HMCN1: variants seen among roughly 807,000 people sequenced by gnomAD.
HMCN1 encodes the protein hemicentin-1.
Under a neutral mutation model 625.9 loss-of-function variants are expected in HMCN1, and 321 were observed. The observed-to-expected ratio is 0.51, with a 90% CI of 0.47 to 0.56. HMCN1 has a LOEUF of 0.56. HMCN1 is among the 20% of genes least tolerant of loss of function. The pLI is 0.00. For synonymous variants in HMCN1, 2,425 were observed against 2,417.6 expected, an observed-to-expected ratio of 1.00 and a Z score of -0.09; for missense variants, 6,588 against 6,887.3, an observed-to-expected ratio of 0.96 and a Z score of 1.54.
chr1:185,943,010 T>C (rs569405816), intron 11 of HMCN1, among the ~76,000 whole-genome samples: 42 of 152,060 alleles, frequency 2.8e-4, no homozygotes, highest in Middle Eastern at 3.4e-3. Flanking sequence ...ATTTCTGACA[T>C]AGGATGTTTG....
chr1:185,866,768 T>A (rs1249280818), intron 4 of HMCN1, among the ~76,000 whole-genome samples: 5 of 152,184 alleles, frequency 3.3e-5, no homozygotes, highest in Non-Finnish European at 7.3e-5. Flanking sequence ...GACCTTTTTT[T>A]AAACCTGTTT....
At chr1:186,137,711 C>T (rs1301673980) in intron 88 of HMCN1, 43 bp downstream of exon 88, 2 of 1,613,634 alleles carry the variant, frequency 1.2e-6, no homozygotes, top group Non-Finnish European at 1.7e-6. Context: ...TTTAATAGAC[C>T]TTCATTTCTG....
At chr1:185,805,965 A>G (rs1023066126) in intron 1 of HMCN1, among the ~76,000 whole-genome samples, 1 of 152,094 alleles carries the variant, frequency 6.6e-6, no homozygotes, top group Non-Finnish European at 1.5e-5. Context: ...AGATCCTATC[A>G]TTTTTATTCC....
At chr1:186,178,816 C>T (rs199564403) in intron 104 of HMCN1, 50 bp downstream of exon 104, 2 of 1,204,898 alleles carry the variant, frequency 1.7e-6, no homozygotes, top group Admixed American at 3.4e-5. Context: ...TCTTACTGAT[C>T]AAAGTATGTG....
chr1:185,977,942 T>C lies in HMCN1; in HGVS notation c.2527T>C (p.Ser843Pro). Reference protein sequence around the residue: ...PIFSRPFSVSSISQLRTGALF... With the variant: ...PIFSRPFSVSPISQLRTGALF... ...TTTCTCAAGACCTTTTTCAGTTAGT[T>C]CCATCAGCCAACTAAGAACAGGAGC... Residue 843 changes from serine (S) to proline (P), a missense_variant, in exon 16 of 107, where the codon TCC (serine) becomes CCC (proline). Around this residue, in one of 3 missense-constraint regions of HMCN1, gnomAD observed 4,628 missense variants for 4,853.1 expected, o/e 0.95. Coordinates refer to ENST00000271588, the MANE Select transcript of HMCN1 (RefSeq NM_031935.3). 6.2e-7 allele frequency: 1 copy of C among 1,613,312 alleles called. No homozygotes were observed. The highest frequency in any genetic ancestry group is 1.1e-5 in the South Asian group (1 of 91,070).
At chr1:186,055,371 T>C in intron 44 of HMCN1, 22 bp from the exon 45 acceptor site, 1 of 1,610,956 alleles carries the variant, frequency 6.2e-7, no homozygotes, top group Non-Finnish European at 8.5e-7. Context: ...TTTGTTTCTT[T>C]TTATCTTCCT....
At chr1:186,084,588 T>C (rs1184739823) in intron 57 of HMCN1, among the ~76,000 whole-genome samples, 1 of 152,120 alleles carries the variant, frequency 6.6e-6, no homozygotes, top group Non-Finnish European at 1.5e-5. Flanking sequence ...TCCTTCAGTC[T>C]GTTGGCATCT....
chr1:186,070,375 A>G (rs555553926), intron 51 of HMCN1, among the ~76,000 whole-genome samples: 133 of 152,302 alleles, frequency 8.7e-4, no homozygotes, highest in South Asian at 6.6e-3. Context: ...TGTTCTGTAA[A>G]GGACATTAGC....
chr1:186,032,746 G>GAAAAAAAAAAAAA (rs74542819), intron 36 of HMCN1, among the ~76,000 whole-genome samples: 1 of 25,406 alleles, frequency 3.9e-5, no homozygotes, highest in Non-Finnish European at 7.1e-5. Flanking sequence ...TAAGTAAAAA[G>GAAAAAAAAAAAAA]AAAAAAAAAA....
At chr1:186,163,773 G>GTC (rs1651684279) in intron 97 of HMCN1, among the ~76,000 whole-genome samples, 1 of 152,152 alleles carries the variant, frequency 6.6e-6, no homozygotes, top group South Asian at 2.1e-4. Flanking sequence ...TTGCAAGACT[G>GTC]TCTCATACAT....
At chr1:186,037,842 G>T in intron 36 of HMCN1, 92 bp from the exon 37 acceptor site, 1 of 789,386 alleles carries the variant, frequency 1.3e-6, no homozygotes. Context: ...AAAAAGAAGA[G>T]AGGAAGAAAA....
At chr1:186,002,635 A>G (rs1653274208) in intron 28 of HMCN1, among the ~76,000 whole-genome samples, 1 of 152,072 alleles carries the variant, frequency 6.6e-6, no homozygotes, top group Non-Finnish European at 1.5e-5. Flanking sequence ...ACTGAATTCC[A>G]TCTGTGTGCT....
intron 4 of HMCN1, among the ~76,000 whole-genome samples, chr1:185,902,046 T>C (rs1279443573): frequency 6.6e-6 from 1 of 151,672 alleles, no homozygotes; most frequent in East Asian, 1.9e-4. Flanking sequence ...CATTAAAAAT[T>C]AAAAATTATT....
intron 40 of HMCN1, among the ~76,000 whole-genome samples, chr1:186,043,778 G>A (rs1257293984): frequency 1.3e-5 from 2 of 152,072 alleles, no homozygotes; most frequent in East Asian, 3.9e-4. Context: ...TTAGAAAGTG[G>A]CACTAATTAG....
rs1372574694 is a variant in HMCN1 at position 186,048,798 on chromosome 1, T to C, written c.6536T>C (p.Val2179Ala). Residue 2179 changes from valine (V) to alanine (A), a missense_variant, in exon 42 of 107, where the codon GTT becomes GCT. Coordinates refer to ENST00000271588, the MANE Select transcript of HMCN1 (RefSeq NM_031935.3). ...TGRYTCEATN[V>A]AGKTEKNYNV... ...CGTTACACTTGTGAAGCAACAAATG[T>C]TGCTGGAAAAACTGAAAAAAACTAC... 2 of 1,611,956 alleles carry C rather than the reference T, an allele frequency of 1.2e-6. No homozygotes were observed. Among genetic ancestry groups the C allele is most frequent in the Non-Finnish European group, 1.7e-6 (2 of 1,178,606 alleles).
Position 186,062,619 on chromosome 1 carries a change from G to C in HMCN1, c.7513+19G>C. 1 of 1,535,856 alleles carries C rather than the reference G, an allele frequency of 6.5e-7. No homozygotes were observed. The highest frequency in any genetic ancestry group is 9.0e-7 in the Non-Finnish European group (1 of 1,109,108). Reference sequence around the variant, plus strand: ...GTGACAGGTATGGGCTCAGCTCTCAGACTTTTGGTGCTCCCCCCACTCACT... The same window carrying C: ...GTGACAGGTATGGGCTCAGCTCTCACACTTTTGGTGCTCCCCCCACTCACT... On this transcript the variant is annotated intron_variant, in intron 48 of 106. Transcript: ENST00000271588.
intron 2 of HMCN1, among the ~76,000 whole-genome samples, chr1:185,853,280 G>A (rs751860611): frequency 1.3e-5 from 2 of 152,096 alleles, no homozygotes; most frequent in Non-Finnish European, 2.9e-5. Context: ...TTACCAAGTA[G>A]CAAATGACAA....
chr1:185,842,530 C>T (rs1661538605), intron 1 of HMCN1, among the ~76,000 whole-genome samples: 1 of 151,172 alleles, frequency 6.6e-6, no homozygotes, highest in South Asian at 2.1e-4. Context: ...TGCCATTGCA[C>T]TGCAGCCTGG....
At chr1:185,874,949 AAAT>A (rs1264680732) in intron 4 of HMCN1, among the ~76,000 whole-genome samples, 2 of 151,896 alleles carry the variant, frequency 1.3e-5, no homozygotes, top group Non-Finnish European at 2.9e-5. Flanking sequence ...TTATTTATTC[AAAT>A]AATATTTATG....
Sources: gnomAD v4.1 joint callset for allele counts (sites outside exome capture counted in the v4.1 genomes callset) on GRCh38, gnomAD v4.1.1 for gene constraint, gnomAD v4.1.1 regional missense constraint, MANE v1.5 for transcripts, NCBI Gene and HGNC (gene_info 2026-07-23, HGNC 2026-07-21) for gene names.